The following SUCLG2 variants were observed in gnomAD, a reference collection of about 807,000 sequenced individuals.
The protein encoded by SUCLG2 is succinate-CoA ligase GDP-forming subunit beta, also known as succinate--CoA ligase [GDP-forming] subunit beta, mitochondrial.
SUCLG2 carries 42 observed loss-of-function variants against 47.9 expected under a neutral mutation model. That is an observed-to-expected ratio of 0.88 (90% CI 0.69 to 1.14). The LOEUF (loss-of-function observed/expected upper bound fraction) is 1.14. Among genes scored for constraint, SUCLG2 ranks in the 50% most tolerant of loss-of-function variants. The pLI is 0.00. For missense variants in SUCLG2, 571 were observed against 525.9 expected (o/e 1.09, Z -0.84); for synonymous variants, 195 against 197.3 (o/e 0.99, Z 0.10).
At chr3:67,442,465 G>A (rs1205007650) in intron 9 of SUCLG2, among the ~76,000 whole-genome samples, 1 of 152,140 alleles carries the variant, frequency 6.6e-6, no homozygotes, top group Non-Finnish European at 1.5e-5. Context: ...CTCTAAAGGT[G>A]GGGCTGAAGA....
intron 2 of SUCLG2, among the ~76,000 whole-genome samples, chr3:67,533,515 T>C (rs921962250): frequency 1.3e-5 from 2 of 152,154 alleles, no homozygotes; most frequent in Admixed American, 1.3e-4. Flanking sequence ...GAAAGTTAAA[T>C]TGTATTTCAG....
At chr3:67,388,025 T>C (rs150757017) in intron 10 of SUCLG2, among the ~76,000 whole-genome samples, 424 of 152,166 alleles carry the variant, frequency 2.8e-3, no homozygotes, top group African/African-American at 9.6e-3. Context: ...ACAAGTGTTA[T>C]CTGCTAATAG....
chr3:67,360,525 T>C, exon 11 of SUCLG2: 1 of 1,239,464 alleles, frequency 8.1e-7, no homozygotes, highest in African/African-American at 1.5e-5. Context: ...CATTTTCCAT[T>C]TCCATTAGCA....
Position 67,546,697 on chromosome 3 carries a change from T to C in SUCLG2, c.227-17511A>G, listed in dbSNP as rs149805577. On this transcript the variant is annotated intron_variant, in intron 2 of 10. Coordinates refer to ENST00000307227, the MANE Select transcript of SUCLG2 (RefSeq NM_003848.4). Reference sequence around the variant, plus strand: ...TTGCAGCGAGCCGAGATTGTGCCACTGCACTCCAGCCTGGGCCACAGAGTA... The same window carrying C: ...TTGCAGCGAGCCGAGATTGTGCCACCGCACTCCAGCCTGGGCCACAGAGTA... Among the ~76,000 whole-genome samples, 659 of 152,284 alleles carry C rather than the reference T, an allele frequency of 4.3e-3. 9 individuals carry two copies. In the East Asian group the frequency reaches 0.052, roughly 12 times the overall value.
rs547551826 is a variant in SUCLG2, at chr3:67,463,555, C to T, written c.1062+32243G>A. Reference sequence around the variant, plus strand: ...TATATATTTTGTTATAAATGCTTACCTAATTTATACTTTCTTAATAAATAA... The same window carrying T: ...TATATATTTTGTTATAAATGCTTACTTAATTTATACTTTCTTAATAAATAA... On this transcript the variant is annotated intron_variant, in intron 9 of 10. Transcript: ENST00000307227. Among the ~76,000 whole-genome samples the T allele has an allele frequency of 7.2e-5, 11 of 152,220 alleles. 1 individual carries two copies. In the South Asian group the frequency reaches 1.9e-3, roughly 26 times the overall value.
At chr3:67,525,416 C>T (rs956945056) in intron 4 of SUCLG2, among the ~76,000 whole-genome samples, 4 of 151,996 alleles carry the variant, frequency 2.6e-5, no homozygotes, top group South Asian at 2.1e-4. Flanking sequence ...ATATTGGTGG[C>T]GGGACAGCCA....
At chr3:67,516,653 C>CA (rs1281704125) in intron 6 of SUCLG2, among the ~76,000 whole-genome samples, 2 of 152,174 alleles carry the variant, frequency 1.3e-5, no homozygotes, top group Admixed American at 1.3e-4. Context: ...AAATAGATGC[C>CA]AAGCACTTTG....
chr3:67,430,120 T>G (rs1275530046), intron 9 of SUCLG2, among the ~76,000 whole-genome samples: 2 of 152,176 alleles, frequency 1.3e-5, no homozygotes, highest in East Asian at 1.9e-4. Context: ...TCTACAGAAT[T>G]CTGCACCCCA....
rs541564868 is a variant in SUCLG2 at position 67,381,468 on chromosome 3, A to T, written c.1184-5609T>A. Among the ~76,000 whole-genome samples, 5 of 152,364 alleles carry T rather than the reference A, an allele frequency of 3.3e-5. No homozygotes were observed. In the South Asian group the frequency reaches 1.0e-3, roughly 32 times the overall value. On this transcript the variant is annotated intron_variant, in intron 10 of 10. Coordinates refer to ENST00000307227, the MANE Select transcript of SUCLG2 (RefSeq NM_003848.4). ...CTGCTTTAAACTCTGACATGGAATT[A>T]AGTGTTCTAAAGAGTGTTTATGCCT...
chr3:67,533,730 A>C (rs985242178), intron 2 of SUCLG2, among the ~76,000 whole-genome samples: 1 of 152,206 alleles, frequency 6.6e-6, no homozygotes, highest in African/African-American at 2.4e-5. Context: ...AAACATAAAA[A>C]TAGAGAGTTA....
chr3:67,524,386 T>A (rs971226454), intron 4 of SUCLG2, among the ~76,000 whole-genome samples: 6 of 152,212 alleles, frequency 3.9e-5, no homozygotes, highest in African/African-American at 1.4e-4. Flanking sequence ...GCGTACAAAC[T>A]ATTTGTAACA....
At chr3:67,574,961 G>A (rs1341184434) in intron 2 of SUCLG2, among the ~76,000 whole-genome samples, 3 of 152,300 alleles carry the variant, frequency 2.0e-5, no homozygotes, top group East Asian at 3.9e-4. Context: ...ATATTCAACT[G>A]CATTAGTCAG....
chr3:67,438,392 G>A (rs927045902), intron 9 of SUCLG2, among the ~76,000 whole-genome samples: 2 of 151,694 alleles, frequency 1.3e-5, no homozygotes, highest in African/African-American at 4.8e-5. Context: ...GAGCAGAACT[G>A]AAGGAGATAA....
At chr3:67,536,545 T>A (rs1474541674) in intron 2 of SUCLG2, among the ~76,000 whole-genome samples, 1 of 152,204 alleles carries the variant, frequency 6.6e-6, no homozygotes, top group African/African-American at 2.4e-5. Flanking sequence ...ACCTGAGACC[T>A]CTGTGCCTGC....
chr3:67,504,315 A>T (rs922470792), intron 7 of SUCLG2, among the ~76,000 whole-genome samples: 6 of 152,176 alleles, frequency 3.9e-5, no homozygotes, highest in Non-Finnish European at 5.9e-5. Flanking sequence ...GTGTATAAAG[A>T]CAGAAACAGA....
chr3:67,400,892 C>A (rs202110864), intron 9 of SUCLG2, 41 bp from the exon 10 acceptor site: 3 of 1,608,220 alleles, frequency 1.9e-6, no homozygotes, highest in East Asian at 2.2e-5. Flanking sequence ...AAATGCTGAT[C>A]GCCAACAGTC....
At chr3:67,544,850 T>C (rs974640367) in intron 2 of SUCLG2, among the ~76,000 whole-genome samples, 1 of 152,194 alleles carries the variant, frequency 6.6e-6, no homozygotes, top group Non-Finnish European at 1.5e-5. Flanking sequence ...ATCATTCAAA[T>C]TTGCTATTTC....
At chr3:67,510,557 CCTT>C (rs1705758880) in intron 6 of SUCLG2, among the ~76,000 whole-genome samples, 1 of 152,174 alleles carries the variant, frequency 6.6e-6, no homozygotes, top group South Asian at 2.1e-4. Context: ...ACGCATTCCT[CCTT>C]CATCTGTCTT....
chr3:67,528,273 T>C (rs1250259679), intron 3 of SUCLG2, 51 bp from the exon 4 acceptor site: 3 of 1,525,950 alleles, frequency 2.0e-6, no homozygotes, highest in East Asian at 4.6e-5. Flanking sequence ...GAAAATCATT[T>C]AAATGAGAGT....
Sources: allele counts gnomAD v4.1 joint callset (sites outside exome capture counted in the v4.1 genomes callset), GRCh38; gene constraint gnomAD v4.1.1; transcripts MANE v1.5; gene names NCBI Gene and HGNC (gene_info 2026-07-23, HGNC 2026-07-21).